The following BBX variants were observed in gnomAD, a reference collection of about 807,000 sequenced individuals.
BBX encodes the protein BBX high mobility group box domain containing.
In BBX, 30 loss-of-function variants were observed where a neutral mutation model predicts 100.2. The observed-to-expected ratio is 0.30, with a 90% confidence interval of 0.22 to 0.41. BBX has a LOEUF of 0.41. Among genes scored for constraint, BBX ranks in the 10% least tolerant of loss-of-function variants. The probability of loss-of-function intolerance (pLI) is 1.00; values close to 1 mark genes in which losing one functional copy is unlikely to be tolerated. For synonymous variants in BBX, 376 were observed against 388.1 expected, an observed-to-expected ratio of 0.97 and a Z score of 0.37; for missense variants, 1,023 against 1,129.8, an observed-to-expected ratio of 0.91 and a Z score of 1.35.
At chr3:107,641,166 C>G (rs992720128) in intron 2 of BBX, among the ~76,000 whole-genome samples, 5 of 149,862 alleles carry the variant, frequency 3.3e-5, no homozygotes, top group Non-Finnish European at 5.9e-5. Flanking sequence ...CTCACTGCAA[C>G]CTCCACCTCC....
At chr3:107,694,094 G>T (rs1294803265) in intron 3 of BBX, among the ~76,000 whole-genome samples, 1 of 130,460 alleles carries the variant, frequency 7.7e-6, no homozygotes, top group African/African-American at 3.1e-5. Context: ...GAGATTTTGG[G>T]CTGAGACAAT....
At chr3:107,611,890 A>T (rs148612272) in intron 2 of BBX, among the ~76,000 whole-genome samples, 102 of 151,952 alleles carry the variant, frequency 6.7e-4, no homozygotes, top group Non-Finnish European at 1.0e-3. Context: ...GGTTTTCCAG[A>T]TCTTGCCAGC....
At chr3:107,646,756 C>T (rs1288757921) in intron 3 of BBX, among the ~76,000 whole-genome samples, 1 of 152,024 alleles carries the variant, frequency 6.6e-6, no homozygotes, top group Non-Finnish European at 1.5e-5. Context: ...GGAACTTATT[C>T]TTTAACTTTT....
At chr3:107,661,380 G>A (rs925959102) in intron 3 of BBX, among the ~76,000 whole-genome samples, 8 of 152,022 alleles carry the variant, frequency 5.3e-5, no homozygotes, top group African/African-American at 1.9e-4. Flanking sequence ...CTTGTGTCTT[G>A]GGCAAGTCAC....
chr3:107,691,675 A>G (rs760187448), intron 3 of BBX, among the ~76,000 whole-genome samples: 6 of 152,222 alleles, frequency 3.9e-5, no homozygotes, highest in Non-Finnish European at 7.3e-5. Flanking sequence ...GCAGGCTGAT[A>G]TAAGATGATT....
rs1208566345 is a variant in BBX at position 107,623,190 on chromosome 3, C to A, written c.-83-22646C>A. ...TTACTGTGATCTGCTGTACAGTTTC[C>A]ATGATTGTGCCCCTACCTGGGGACA... On this transcript the variant is annotated intron_variant, in intron 2 of 17. Transcript: ENST00000325805. Among the ~76,000 whole-genome samples the A allele has an allele frequency of 6.6e-5, 10 of 152,248 alleles. No homozygotes were observed. In the East Asian group the frequency reaches 1.4e-3, roughly 21 times the overall value.
Position 107,690,262 on chromosome 3 carries a change from GTC to G in BBX, c.-9-20184_-9-20183del, listed in dbSNP as rs896043227. Among the ~76,000 whole-genome samples, 58 of 151,840 alleles carry G rather than the reference GTC, an allele frequency of 3.8e-4. 1 individual carries two copies. Among genetic ancestry groups the G allele is most frequent in the Non-Finnish European group, 1.0e-4 (7 of 67,968 alleles). The stretch of plus-strand genomic sequence containing the variant: ...AGCATGGGCTCACTTTTAGCATATA[GTC>G]TCTCTTATTTATCCTGTATTCTGCC... On this transcript the variant is annotated intron_variant, in intron 3 of 17. Transcript: ENST00000325805.
At chr3:107,607,975 G>T (rs369441867) in intron 2 of BBX, among the ~76,000 whole-genome samples, 1 of 152,082 alleles carries the variant, frequency 6.6e-6, no homozygotes, top group Admixed American at 6.5e-5. Context: ...TTGTCAGATG[G>T]ATAGTTTGCA....
chr3:107,570,024 C>T (rs1300713951), intron 2 of BBX, among the ~76,000 whole-genome samples: 1 of 152,164 alleles, frequency 6.6e-6, no homozygotes, highest in Non-Finnish European at 1.5e-5. Flanking sequence ...GGGTCCCGTA[C>T]AGATAGAACA....
chr3:107,786,968 G>T (rs781715098), intron 13 of BBX, among the ~76,000 whole-genome samples: 5 of 152,056 alleles, frequency 3.3e-5, no homozygotes, highest in Non-Finnish European at 7.4e-5. Flanking sequence ...ATAAAAACGG[G>T]CAAGTGATCT....
At chr3:107,672,938 C>A (rs747595114) in intron 3 of BBX, among the ~76,000 whole-genome samples, 11 of 151,880 alleles carry the variant, frequency 7.2e-5, no homozygotes, top group Non-Finnish European at 1.5e-4. Flanking sequence ...AAAAATTAAC[C>A]CCATGGATGA....
chr3:107,633,080 A>T (rs2056645300), intron 2 of BBX, among the ~76,000 whole-genome samples: 1 of 152,190 alleles, frequency 6.6e-6, no homozygotes, highest in Non-Finnish European at 1.5e-5. Flanking sequence ...TAATGAGTAT[A>T]ACTGTAGCTA....
chr3:107,661,906 G>C, intron 3 of BBX: 1 of 984,940 alleles, frequency 1.0e-6, no homozygotes, highest in Non-Finnish European at 1.2e-6. Flanking sequence ...GGATTCACTG[G>C]GATATTGAGA....
rs752776465 is a variant in BBX at position 107,801,240 on chromosome 3, C to T, written c.2697C>T (p.Leu899=). The T allele has an allele frequency of 6.2e-6, 10 of 1,614,150 alleles. No individual in the cohort carries two copies. The highest frequency in any genetic ancestry group is 7.6e-6 in the Non-Finnish European group (9 of 1,180,014). Residue 899 remains leucine (L), a synonymous_variant, in exon 17 of 18, where the codon CTC becomes CTT. Transcript: ENST00000325805. Reference sequence around the variant, plus strand: ...CTGCCGTGTCTGCGTTCTTTAGCCTCGCTGCGCTGGCTGAAGTGGCAGCCA... The same window carrying T: ...CTGCCGTGTCTGCGTTCTTTAGCCTTGCTGCGCTGGCTGAAGTGGCAGCCA... The part of the protein sequence containing the change: ...EMPAVSAFFS[L]AALAEVAAME...
chr3:107,748,099 G>C (rs776150052), intron 9 of BBX, 60 bp downstream of exon 9: 56 of 1,417,454 alleles, frequency 4.0e-5, no homozygotes, highest in Non-Finnish European at 5.4e-5. Flanking sequence ...AGGAATACTG[G>C]AATGGAGTTT....
At chr3:107,701,997 C>T (rs773013659) in intron 3 of BBX, among the ~76,000 whole-genome samples, 17 of 152,084 alleles carry the variant, frequency 1.1e-4, no homozygotes, top group African/African-American at 2.9e-4. Flanking sequence ...ATAATGGGCA[C>T]GGTGGGATTG....
intron 2 of BBX, among the ~76,000 whole-genome samples, chr3:107,620,219 G>A (rs2055637555): frequency 6.6e-6 from 1 of 151,914 alleles, no homozygotes; most frequent in Non-Finnish European, 1.5e-5. Flanking sequence ...GAGGCTTTTA[G>A]TTCCAAAATT....
chr3:107,771,383 G>C (rs947148565), intron 10 of BBX, among the ~76,000 whole-genome samples: 2 of 139,830 alleles, frequency 1.4e-5, no homozygotes, highest in African/African-American at 5.2e-5. Context: ...CTTTCCCCTT[G>C]AATGTTCTGT....
At chr3:107,661,184 G>A (rs2107857725) in intron 3 of BBX, among the ~76,000 whole-genome samples, 1 of 152,186 alleles carries the variant, frequency 6.6e-6, no homozygotes, top group Middle Eastern at 3.4e-3. Context: ...ATCCTAGTGA[G>A]TAGTGTGAGT....
Sources: gnomAD v4.1 joint callset for allele counts (sites outside exome capture counted in the v4.1 genomes callset) on GRCh38, gnomAD v4.1.1 for gene constraint, MANE v1.5 for transcripts, NCBI Gene and HGNC (gene_info 2026-07-23, HGNC 2026-07-21) for gene names.